SDK1: variants seen among roughly 807,000 people sequenced by gnomAD.
SDK1 encodes the protein protein sidekick-1.
In SDK1, 157 loss-of-function variants were observed where a neutral mutation model predicts 245.5. That is an observed-to-expected ratio of 0.64 (90% confidence interval 0.56 to 0.73). The LOEUF is 0.73. SDK1 is among the 30% of genes least tolerant of loss of function. SDK1 has a pLI of 0.00. For synonymous variants in SDK1, 1,647 were observed against 1,278.5 expected (o/e 1.29, Z -6.15); for missense variants, 3,583 against 3,002.3 (o/e 1.19, Z -4.52).
intron 1 of SDK1, among the ~76,000 whole-genome samples, chr7:3,361,306 T>A (rs1401906879): frequency 6.6e-6 from 1 of 152,194 alleles, no homozygotes; most frequent in Admixed American, 6.5e-5. Context: ...TAGTCGTAAA[T>A]TTTTAAACAC....
intron 4 of SDK1, among the ~76,000 whole-genome samples, chr7:3,776,705 CT>C (rs751050683): frequency 0.011 from 1,548 of 143,648 alleles, 14 homozygotes; most frequent in African/African-American, 0.023. Flanking sequence ...AGATATTTTG[CT>C]TTTTTTTTTT....
chr7:3,384,414 G>A lies in SDK1; in HGVS notation c.298+82530G>A, dbSNP rs138125230. On this transcript the variant is annotated intron_variant, in intron 1 of 44. Transcript: ENST00000404826. ...GATGCTTTTCCAAAAAGGATTCTGT[G>A]GTTCAATAAACTTGGGAAAGACTGC... Among the ~76,000 whole-genome samples the A allele has an allele frequency of 1.5e-3, 226 of 152,224 alleles. 1 individual carries two copies. Among genetic ancestry groups the A allele is most frequent in the Non-Finnish European group, 2.8e-3 (190 of 68,020 alleles).
chr7:3,810,193 C>G (rs1220922068), intron 4 of SDK1, among the ~76,000 whole-genome samples: 3 of 152,124 alleles, frequency 2.0e-5, no homozygotes, highest in Non-Finnish European at 4.4e-5. Flanking sequence ...TTTAGTTGGT[C>G]CTCATCTACT....
intron 1 of SDK1, among the ~76,000 whole-genome samples, chr7:3,592,471 C>A (rs1780908718): frequency 6.6e-6 from 1 of 152,198 alleles, no homozygotes; most frequent in African/African-American, 2.4e-5. Flanking sequence ...TGCTCACTGC[C>A]CTTTTCTTTC....
At chr7:3,704,329 T>C (rs142922439) in intron 4 of SDK1, among the ~76,000 whole-genome samples, 1 of 152,122 alleles carries the variant, frequency 6.6e-6, no homozygotes, top group East Asian at 1.9e-4. Flanking sequence ...CATTGTTCGA[T>C]GGGCACTTAG....
chr7:4,120,849 C>G (rs1784012375), intron 25 of SDK1, among the ~76,000 whole-genome samples: 1 of 151,274 alleles, frequency 6.6e-6, no homozygotes. Flanking sequence ...CTCCTGACCT[C>G]AAGTTATCTG....
Position 3,995,052 on chromosome 7 carries a change from G to A in SDK1, c.2131+7730G>A, listed in dbSNP as rs544229929. ...CTACTTCTTCCGTATAGAGGTTCTC[G>A]TTCCCTGAAGAGGGGATTCTAGGCT... On this transcript the variant is annotated intron_variant, in intron 14 of 44. Transcript: ENST00000404826. Among the ~76,000 whole-genome samples the A allele has an allele frequency of 3.9e-5, 6 of 152,252 alleles. 1 individual carries two copies. The highest frequency in any genetic ancestry group is 2.1e-4 in the South Asian group (1 of 4,822).
intron 7 of SDK1, among the ~76,000 whole-genome samples, chr7:3,953,811 T>A (rs1476785111): frequency 2.0e-5 from 3 of 152,262 alleles, no homozygotes; most frequent in Non-Finnish European, 2.9e-5. Flanking sequence ...CACACTTCAC[T>A]TCTTTATGAT....
At chr7:4,205,808 G>A in intron 35 of SDK1, 71 bp from the exon 36 acceptor site, 1 of 1,197,132 alleles carries the variant, frequency 8.4e-7, no homozygotes, top group Middle Eastern at 2.4e-4. Flanking sequence ...AGCCCCATGG[G>A]CATGTGGGCG....
At chr7:3,880,460 A>G (rs1403590384) in intron 5 of SDK1, among the ~76,000 whole-genome samples, 2 of 149,402 alleles carry the variant, frequency 1.3e-5, no homozygotes, top group African/African-American at 4.9e-5. Context: ...CGCCAACACC[A>G]GCGCCTCTCT....
At position 3,301,564 on chromosome 7, in the gene SDK1, G is replaced by T. The variant is rs1175473050; in HGVS notation, c.-23G>T. On this transcript the variant is annotated 5_prime_UTR_variant, in exon 1 of 45. Transcript: ENST00000404826. ...TGCCCGCCCGTCCGTCCGGCGCGGC[G>T]CTCGGGGTGGCGGCTGCTCGGCATG... 1 of 899,672 alleles carries T rather than the reference G, an allele frequency of 1.1e-6. No individual in the cohort carries two copies. Among genetic ancestry groups the T allele is most frequent in the Non-Finnish European group, 1.3e-6 (1 of 755,572 alleles). 55.7% of individuals were successfully genotyped at this position (899,672 alleles called of 1,614,324 possible). A position where few individuals can be genotyped will look rare whatever the true frequency, so the allele number is the denominator to read the frequency against.
chr7:3,727,837 C>T (rs529453575), intron 4 of SDK1, among the ~76,000 whole-genome samples: 24 of 152,202 alleles, frequency 1.6e-4, no homozygotes, highest in Admixed American at 1.4e-3. Flanking sequence ...ATTAACCAAG[C>T]GAGGTCCACC....
chr7:3,739,195 A>T (rs892683431), intron 4 of SDK1, among the ~76,000 whole-genome samples: 2 of 152,094 alleles, frequency 1.3e-5, no homozygotes, highest in Admixed American at 6.5e-5. Flanking sequence ...CTTGACAAGT[A>T]ATTGTTTTCT....
rs750782781 is a variant in SDK1, at chr7:4,130,040, C to T, written c.4072C>T (p.Arg1358Cys). ...LYELQVLAFTRIGNGVPSTPL... is the reference protein window; with the variant it reads ...LYELQVLAFTCIGNGVPSTPL... ...CGAGCTCCAGGTGCTGGCGTTCACC[C>T]GCATCGGGAACGGGGTCCCCAGCAC... The change falls in exon 27 of 45, where the codon CGC becomes TGC. Residue 1358 changes from arginine to cysteine, a missense_variant. Arg to Cys is a radical substitution (Grantham distance 180). Coordinates refer to ENST00000404826, the MANE Select transcript of SDK1 (RefSeq NM_152744.4). 7.4e-6 allele frequency: 12 copies of T among 1,613,012 alleles called. No individual in the cohort carries two copies. In the Admixed American group the frequency reaches 8.3e-5, roughly 11 times the overall value.
At chr7:3,455,987 G>T (rs1481231670) in intron 1 of SDK1, among the ~76,000 whole-genome samples, 1 of 152,114 alleles carries the variant, frequency 6.6e-6, no homozygotes, top group African/African-American at 2.4e-5. Flanking sequence ...CATTCCTCAA[G>T]GGTGATTTCA....
intron 2 of SDK1, among the ~76,000 whole-genome samples, chr7:3,622,214 A>T (rs1781963982): frequency 6.6e-6 from 1 of 152,220 alleles, no homozygotes; most frequent in Non-Finnish European, 1.5e-5. Context: ...GCAGTGGCTC[A>T]CACCTGTAAT....
At chr7:3,521,830 C>T (rs1255493602) in intron 1 of SDK1, among the ~76,000 whole-genome samples, 3 of 152,064 alleles carry the variant, frequency 2.0e-5, no homozygotes, top group Non-Finnish European at 4.4e-5. Flanking sequence ...TTTGGAGAGG[C>T]ATGCAGTGGA....
At chr7:3,774,614 C>G (rs1019865210) in intron 4 of SDK1, among the ~76,000 whole-genome samples, 5 of 152,206 alleles carry the variant, frequency 3.3e-5, no homozygotes, top group African/African-American at 1.2e-4. Context: ...AATAGTTATA[C>G]TGGACAGATT....
At chr7:3,991,301 C>G (rs1468372601) in intron 14 of SDK1, among the ~76,000 whole-genome samples, 1 of 152,130 alleles carries the variant, frequency 6.6e-6, no homozygotes, top group Admixed American at 6.5e-5. Context: ...TTGGTGTTAC[C>G]TGGGAAAGTT....
Sources: gnomAD v4.1 joint callset for allele counts (sites outside exome capture counted in the v4.1 genomes callset) on GRCh38, gnomAD v4.1.1 for gene constraint, MANE v1.5 for transcripts, NCBI Gene and HGNC (gene_info 2026-07-23, HGNC 2026-07-21) for gene names.